TANC1: variants seen among roughly 807,000 people sequenced by gnomAD.
TANC1 encodes protein TANC1.
In TANC1, 77 loss-of-function variants were observed where a neutral mutation model predicts 149.7. That is an observed-to-expected ratio of 0.51 (90% confidence interval 0.43 to 0.62). The LOEUF is 0.62. Among genes scored for constraint, TANC1 ranks in the 20% least tolerant of loss-of-function variants. The pLI is 0.00. For missense variants in TANC1, 1,985 were observed against 2,321.8 expected, an observed-to-expected ratio of 0.85 and a Z score of 2.98; for synonymous variants, 854 against 925.0, an observed-to-expected ratio of 0.92 and a Z score of 1.39.
At position 159,130,074 on chromosome 2, in the gene TANC1, G is replaced by T. The variant is rs976120486; in HGVS notation, c.260-6120G>T. On this transcript the variant is annotated intron_variant, in intron 4 of 26. Coordinates refer to ENST00000263635, the MANE Select transcript of TANC1 (RefSeq NM_033394.3). ...GGGGGACTGGGAGCCCAGCCCTGGA[G>T]ACATGCCAGCTCCTAGAGGAGCTGG... Among the ~76,000 whole-genome samples the T allele has an allele frequency of 9.2e-5, 14 of 152,334 alleles. 1 individual carries two copies. The highest frequency in any genetic ancestry group is 7.8e-4 in the Admixed American group (12 of 15,302).
Position 158,994,340 on chromosome 2 carries a change from G to T in TANC1, c.-125-6740G>T, listed in dbSNP as rs59675265. On this transcript the variant is annotated intron_variant, in intron 1 of 26. Transcript: ENST00000263635. ...CCAGGCTGTAGTGCAGTGGTGCATA[G>T]CTCACTGCAGCCTCCAACTCCTGGG... Among the ~76,000 whole-genome samples, 173 of 152,248 alleles carry T rather than the reference G, an allele frequency of 1.1e-3. 3 individuals carry two copies. The East Asian group carries it at 0.029, about 25-fold the overall frequency.
chr2:159,173,323 C>T (rs945870186), intron 11 of TANC1, among the ~76,000 whole-genome samples: 6 of 152,204 alleles, frequency 3.9e-5, no homozygotes, highest in African/African-American at 1.2e-4. Flanking sequence ...GATTTCAAGG[C>T]CGGGCCTGGC....
At chr2:159,012,335 G>A (rs1160890883) in intron 2 of TANC1, among the ~76,000 whole-genome samples, 1 of 152,026 alleles carries the variant, frequency 6.6e-6, no homozygotes, top group African/African-American at 2.4e-5. Context: ...TATTCACTCC[G>A]TGCTCTAAGA....
rs556848238 is a variant in TANC1 at position 159,152,851 on chromosome 2, C to A, written c.682+2295C>A. Among the ~76,000 whole-genome samples the A allele has an allele frequency of 2.6e-5, 4 of 152,260 alleles. No individual in the cohort carries two copies. The East Asian group carries it at 5.8e-4, about 22-fold the overall frequency. On this transcript the variant is annotated intron_variant, in intron 7 of 26. Coordinates refer to ENST00000263635, the MANE Select transcript of TANC1 (RefSeq NM_033394.3). ...TTTCTCTCTCATTGAGATACAGTGC[C>A]ACAATTTTTAAGGTATTCTAAGCAG...
At chr2:159,134,869 G>A (rs1294537748) in intron 4 of TANC1, among the ~76,000 whole-genome samples, 1 of 152,108 alleles carries the variant, frequency 6.6e-6, no homozygotes, top group Non-Finnish European at 1.5e-5. Flanking sequence ...TGATCCTTCT[G>A]TGTTGGCCTA....
At chr2:158,972,370 T>G (rs2033017457) in intron 1 of TANC1, among the ~76,000 whole-genome samples, 1 of 152,236 alleles carries the variant, frequency 6.6e-6, no homozygotes, top group Admixed American at 6.5e-5. Flanking sequence ...CTGTTCCTAC[T>G]GATGGCTGGA....
chr2:159,007,832 G>A (rs2037367918), intron 2 of TANC1, among the ~76,000 whole-genome samples: 1 of 152,206 alleles, frequency 6.6e-6, no homozygotes, highest in Admixed American at 6.5e-5. Context: ...TAGTGAGGAG[G>A]TGACTTGGCT....
intron 4 of TANC1, among the ~76,000 whole-genome samples, chr2:159,126,098 A>G (rs2049421682): frequency 6.6e-6 from 1 of 152,172 alleles, no homozygotes; most frequent in Non-Finnish European, 1.5e-5. Flanking sequence ...CAGATAATCC[A>G]GGATAATCTA....
intron 3 of TANC1, among the ~76,000 whole-genome samples, chr2:159,095,458 G>C (rs371739888): frequency 6.6e-6 from 1 of 152,142 alleles, no homozygotes. Context: ...GCATGTGCTG[G>C]CCAGGCGCTG....
intron 3 of TANC1, among the ~76,000 whole-genome samples, chr2:159,092,934 C>A (rs181164206): frequency 1.3e-5 from 2 of 152,080 alleles, no homozygotes; most frequent in Non-Finnish European, 1.5e-5. Context: ...CTGAGCTGAC[C>A]GGTTGTGGGG....
rs1212694189 is a variant in TANC1 at position 159,185,846 on chromosome 2, C to T, written c.2566C>T (p.Arg856Cys). Reference sequence around the variant, plus strand: ...CTCGCGTCAGGAGGGCAAGTTGAACCGCCAGCAGACCATGGAGCTTGGCCA... The same window carrying T: ...CTCGCGTCAGGAGGGCAAGTTGAACTGCCAGCAGACCATGGAGCTTGGCCA... Reference protein sequence around the residue: ...MFSRQEGKLNRQQTMELGHHI... With the variant: ...MFSRQEGKLNCQQTMELGHHI... The change falls in exon 15 of 27, where the codon CGC becomes TGC. Residue 856 changes from arginine to cysteine, a missense_variant. Arg to Cys is a radical substitution (Grantham distance 180). Around this residue, in one of 3 missense-constraint regions of TANC1, gnomAD observed 508 missense variants for 714.2 expected, o/e 0.71. Transcript: ENST00000263635. 5.6e-6 allele frequency: 9 copies of T among 1,614,144 alleles called. No homozygotes were observed. Among genetic ancestry groups the T allele is most frequent in the East Asian group, 2.2e-5 (1 of 44,884 alleles).
chr2:159,218,057 T>G (rs1286912696), intron 20 of TANC1, among the ~76,000 whole-genome samples: 1 of 144,218 alleles, frequency 6.9e-6, no homozygotes, highest in Non-Finnish European at 1.5e-5. Flanking sequence ...CAGGCTGGGT[T>G]TTTTGTTTGT....
chr2:159,182,750 C>G (rs888000064), intron 14 of TANC1, among the ~76,000 whole-genome samples: 1 of 152,164 alleles, frequency 6.6e-6, no homozygotes, highest in Non-Finnish European at 1.5e-5. Flanking sequence ...GTGAGTACCT[C>G]TCTCAGGAGG....
At chr2:158,981,528 T>C (rs187008791) in intron 1 of TANC1, among the ~76,000 whole-genome samples, 5,644 of 114,498 alleles carry the variant, frequency 0.049, 602 homozygotes, top group African/African-American at 0.17. Flanking sequence ...TATATATATA[T>C]ATATATATAT....
Position 159,150,369 on chromosome 2 carries a change from G to A in TANC1, c.496-1G>A. 6.2e-7 allele frequency: 1 copy of A among 1,613,750 alleles called. No homozygotes were observed. The highest frequency in any genetic ancestry group is 1.3e-5 in the African/African-American group (1 of 74,978). On this transcript the variant is annotated splice_acceptor_variant, in intron 6 of 26. Coordinates refer to ENST00000263635, the MANE Select transcript of TANC1 (RefSeq NM_033394.3). LOFTEE classifies it high-confidence loss of function. The stretch of plus-strand genomic sequence containing the variant: ...AACTCCTCCTTCCATTCATCTTGCA[G>A]TGCACAGCTCTGAGTCAAGGCATCA...
chr2:159,215,647 G>A (rs977087526), intron 19 of TANC1, among the ~76,000 whole-genome samples: 2 of 152,214 alleles, frequency 1.3e-5, no homozygotes, highest in African/African-American at 4.8e-5. Context: ...CTCAGAAGGT[G>A]CGCAGGAGAC....
intron 19 of TANC1, among the ~76,000 whole-genome samples, chr2:159,206,719 T>C (rs2058630195): frequency 6.6e-6 from 1 of 152,226 alleles, no homozygotes; most frequent in African/African-American, 2.4e-5. Context: ...GGATTCTTTC[T>C]GTGTTTTGGG....
chr2:159,179,687 C>T (rs1191027501), intron 14 of TANC1, among the ~76,000 whole-genome samples: 1 of 152,166 alleles, frequency 6.6e-6, no homozygotes, highest in Non-Finnish European at 1.5e-5. Flanking sequence ...AATCTAGCCT[C>T]CCCGCTCCAC....
At position 159,178,967 on chromosome 2, in the gene TANC1, C is replaced by G. The variant is rs1212020327; in HGVS notation, c.2314C>G (p.Gln772Glu). ...LASLHPMTDE[Q>E]IFQAINAGHI... is the part of the protein sequence containing the mutation. ...ATCCCTCCACCCCATGACAGACGAG[C>G]AGATCTTTCAGGCTATTAATGCTGG... The change falls in exon 14 of 27, where the codon CAG becomes GAG. Residue 772 changes from glutamine (Q) to glutamate (E), a missense_variant. Coordinates refer to ENST00000263635, the MANE Select transcript of TANC1 (RefSeq NM_033394.3). The G allele has an allele frequency of 8.1e-6, 13 of 1,614,040 alleles. No individual in the cohort carries two copies. The highest frequency in any genetic ancestry group is 1.1e-5 in the Non-Finnish European group (13 of 1,180,032).
Sources: gnomAD v4.1 joint callset for allele counts (sites outside exome capture counted in the v4.1 genomes callset) on GRCh38, gnomAD v4.1.1 for gene constraint, gnomAD v4.1.1 regional missense constraint, MANE v1.5 for transcripts, NCBI Gene and HGNC (gene_info 2026-07-23, HGNC 2026-07-21) for gene names.